ARHGAP24: variants seen among roughly 807,000 people sequenced by gnomAD.
The protein encoded by ARHGAP24 is rho GTPase-activating protein 24.
ARHGAP24 carries 50 observed loss-of-function variants against 76.4 expected under a neutral mutation model. The observed-to-expected ratio is 0.65, with a 90% CI of 0.52 to 0.83. The LOEUF is 0.83. Among genes scored for constraint, ARHGAP24 ranks in the 40% least tolerant of loss-of-function variants. ARHGAP24 has a pLI of 0.00. For synonymous variants in ARHGAP24, 345 were observed against 323.3 expected (o/e 1.07, Z -0.72); for missense variants, 930 against 914.2 (o/e 1.02, Z -0.22).
At chr4:85,606,251 C>T (rs1253148092) in intron 2 of ARHGAP24, among the ~76,000 whole-genome samples, 1 of 152,118 alleles carries the variant, frequency 6.6e-6, no homozygotes, top group Non-Finnish European at 1.5e-5. Flanking sequence ...CGGTGGCTCA[C>T]GCCTGTAATC....
At chr4:85,518,594 C>T (rs547658213) in intron 1 of ARHGAP24, among the ~76,000 whole-genome samples, 1 of 152,274 alleles carries the variant, frequency 6.6e-6, no homozygotes, top group Non-Finnish European at 1.5e-5. Context: ...TTAGCTCCCA[C>T]ATATCAGTGA....
chr4:85,724,363 A>G (rs1169177258), intron 3 of ARHGAP24, among the ~76,000 whole-genome samples: 4 of 152,048 alleles, frequency 2.6e-5, no homozygotes, highest in Non-Finnish European at 5.9e-5. Flanking sequence ...AACAAAACTA[A>G]CAAAAGCCTC....
chr4:85,963,001 T>C (rs980383098), intron 5 of ARHGAP24, among the ~76,000 whole-genome samples: 1 of 151,966 alleles, frequency 6.6e-6, no homozygotes, highest in Non-Finnish European at 1.5e-5. Context: ...AAAATATATA[T>C]GTATCTGTAT....
At chr4:85,627,706 G>C (rs545406728) in intron 2 of ARHGAP24, among the ~76,000 whole-genome samples, 1 of 152,312 alleles carries the variant, frequency 6.6e-6, no homozygotes, top group African/African-American at 2.4e-5. Flanking sequence ...CTTGAGCTGT[G>C]GTGGGCTCCA....
chr4:85,871,425 A>AC (rs1177784494), intron 3 of ARHGAP24, among the ~76,000 whole-genome samples: 2 of 152,132 alleles, frequency 1.3e-5, no homozygotes, highest in African/African-American at 2.4e-5. Flanking sequence ...TTGATTCCAT[A>AC]CTCGTTGATC....
chr4:85,984,047 T>TA (rs1190199502), intron 8 of ARHGAP24, among the ~76,000 whole-genome samples: 4 of 152,228 alleles, frequency 2.6e-5, no homozygotes, highest in African/African-American at 4.8e-5. Flanking sequence ...TACAGGAACT[T>TA]ACAGCCTAGC....
chr4:85,665,665 T>C (rs1722585816), intron 2 of ARHGAP24, among the ~76,000 whole-genome samples: 1 of 152,244 alleles, frequency 6.6e-6, no homozygotes, highest in Non-Finnish European at 1.5e-5. Context: ...GTTTTTCCTT[T>C]CCATGTTTAG....
intron 3 of ARHGAP24, among the ~76,000 whole-genome samples, chr4:85,769,403 A>G (rs7660252): frequency 0.5 from 75,850 of 152,062 alleles, 22,339 homozygotes; most frequent in Non-Finnish European, 0.68. Flanking sequence ...GTGGGAAAAG[A>G]AGACACATTT....
chr4:85,537,111 G>A (rs1725497397), intron 1 of ARHGAP24, among the ~76,000 whole-genome samples: 3 of 151,900 alleles, frequency 2.0e-5, no homozygotes. Context: ...ATATTCTACT[G>A]GTGTTTTTTT....
intron 2 of ARHGAP24, among the ~76,000 whole-genome samples, chr4:85,652,740 TA>T (rs1721991170): frequency 6.6e-6 from 1 of 152,026 alleles, no homozygotes; most frequent in Non-Finnish European, 1.5e-5. Context: ...AACTGTGGAT[TA>T]GGGGGTGGCA....
chr4:85,683,125 G>GGGGGGGGGGGGT (rs1553922590), intron 2 of ARHGAP24, among the ~76,000 whole-genome samples: 4 of 107,658 alleles, frequency 3.7e-5, no homozygotes, highest in African/African-American at 6.9e-5. Flanking sequence ...GGTGGGGGGG[G>GGGGGGGGGGGGT]GGTGCGGGGG....
chr4:85,703,013 C>T lies in ARHGAP24; in HGVS notation c.181-18872C>T, dbSNP rs184918697. Among the ~76,000 whole-genome samples the T allele has an allele frequency of 1.1e-4, 17 of 150,660 alleles. No individual in the cohort carries two copies. The East Asian group carries it at 3.4e-3, about 30-fold the overall frequency. On this transcript the variant is annotated intron_variant, in intron 2 of 9. Coordinates refer to ENST00000395184, the MANE Select transcript of ARHGAP24 (RefSeq NM_001025616.3). Reference sequence around the variant, plus strand: ...GAGAAGCATGTGAAAGGAGAATTTACTTGTGGGAAAGAATAGAGAAGAGAA... The same window carrying T: ...GAGAAGCATGTGAAAGGAGAATTTATTTGTGGGAAAGAATAGAGAAGAGAA...
chr4:85,625,564 C>G (rs372502663), intron 2 of ARHGAP24, among the ~76,000 whole-genome samples: 1 of 152,032 alleles, frequency 6.6e-6, no homozygotes, highest in Non-Finnish European at 1.5e-5. Flanking sequence ...TTAGGGTGGA[C>G]AGTTCTGTAG....
intron 1 of ARHGAP24, among the ~76,000 whole-genome samples, chr4:85,518,745 GTTTC>G (rs1334408780): frequency 6.6e-6 from 1 of 152,022 alleles, no homozygotes; most frequent in Non-Finnish European, 1.5e-5. Flanking sequence ...ATTTACCACA[GTTTC>G]TTTATCCACT....
At chr4:85,622,259 C>A (rs867360658) in intron 2 of ARHGAP24, among the ~76,000 whole-genome samples, 871 of 86,570 alleles carry the variant, frequency 0.01, 16 homozygotes, top group African/African-American at 0.034. Context: ...CCCCCCACCC[C>A]AAACAGTCCC....
chr4:85,779,415 C>A (rs1383362809), intron 3 of ARHGAP24, among the ~76,000 whole-genome samples: 1 of 152,116 alleles, frequency 6.6e-6, no homozygotes, highest in African/African-American at 2.4e-5. Context: ...CTGGGCAGGG[C>A]AGTCTAGGCA....
intron 3 of ARHGAP24, among the ~76,000 whole-genome samples, chr4:85,767,209 A>G (rs1429060900): frequency 6.6e-6 from 1 of 152,200 alleles, no homozygotes; most frequent in Non-Finnish European, 1.5e-5. Context: ...CATAGTTGCA[A>G]ATGATGTGTG....
chr4:85,810,524 T>G (rs1728967458), intron 3 of ARHGAP24, among the ~76,000 whole-genome samples: 1 of 152,182 alleles, frequency 6.6e-6, no homozygotes, highest in Non-Finnish European at 1.5e-5. Context: ...GGGCAGGTCA[T>G]TTAGCTGTTT....
At chr4:85,749,908 T>C (rs1419185243) in intron 3 of ARHGAP24, among the ~76,000 whole-genome samples, 1 of 152,078 alleles carries the variant, frequency 6.6e-6, no homozygotes, top group Non-Finnish European at 1.5e-5. Context: ...GTGTTAGTTT[T>C]AAAGAACAGT....
Sources: gnomAD v4.1 joint callset for allele counts (sites outside exome capture counted in the v4.1 genomes callset) on GRCh38, gnomAD v4.1.1 for gene constraint, MANE v1.5 for transcripts, NCBI Gene and HGNC (gene_info 2026-07-23, HGNC 2026-07-21) for gene names.